Variants in NFRKB observed in about 807,000 individuals in gnomAD.
NFRKB encodes nuclear factor related to kappaB binding protein.
A neutral mutation model predicts 135.7 loss-of-function variants in NFRKB; 62 were observed. The ratio of observed to expected loss-of-function variants is 0.46; its 90% CI spans 0.37 to 0.56. The LOEUF (loss-of-function observed/expected upper bound fraction) is 0.56. Ranked by LOEUF, NFRKB falls within the 20% of genes least tolerant of loss-of-function variation. NFRKB has a pLI of 0.00. For synonymous variants in NFRKB, 678 were observed against 635.6 expected, an observed-to-expected ratio of 1.07 and a Z score of -1.00; for missense variants, 1,545 against 1,662.0, an observed-to-expected ratio of 0.93 and a Z score of 1.22.
intron 3 of NFRKB, among the ~76,000 whole-genome samples, chr11:129,890,524 A>T (rs1401815143): frequency 1.3e-5 from 2 of 152,118 alleles, no homozygotes; most frequent in African/African-American, 4.8e-5. Flanking sequence ...TTTATCCATA[A>T]TGTTTGGCAT....
rs767438504 is a variant in NFRKB, at chr11:129,886,203, T to C, written c.465+114A>G. On this transcript the variant is annotated intron_variant, in intron 5 of 26. Transcript: ENST00000682444. ...ATAGCTTAACTGTGTCACAGATTAA[T>C]TGGTAGCATTTTTTTCTTCGTGGCA... 6.8e-6 allele frequency: 8 copies of C among 1,178,672 alleles called. No individual in the cohort carries two copies. In the Admixed American group the frequency reaches 8.7e-5, roughly 13 times the overall value. 73.0% of individuals were successfully genotyped at this position (1,178,672 alleles called of 1,614,324 possible).
rs532807225 is a variant in NFRKB at position 129,871,845 on chromosome 11, T to C, written c.2763+1039A>G. Among the ~76,000 whole-genome samples, 6 of 152,302 alleles carry C rather than the reference T, an allele frequency of 3.9e-5. No individual in the cohort carries two copies. In the East Asian group the frequency reaches 9.6e-4, roughly 24 times the overall value. ...ACCCTTGCTCACCATCTTCCAGTGGTTCCCCCTCACATTTAAATTAACGTC... is the reference window on the plus strand; with the variant it reads ...ACCCTTGCTCACCATCTTCCAGTGGCTCCCCCTCACATTTAAATTAACGTC... On this transcript the variant is annotated intron_variant, in intron 23 of 26. Transcript: ENST00000682444.
rs1443894190 is a variant in NFRKB, at chr11:129,885,614, G to A, written c.466-5C>T. On this transcript the variant is annotated splice_polypyrimidine_tract_variant and splice_region_variant and intron_variant, in intron 5 of 26. Transcript: ENST00000682444. ...CCGGGCCATCTCCAGCAGATCCTAG[G>A]TAGAGATCAGGTGGGGGTACAAGTC... The A allele has an allele frequency of 1.2e-6, 2 of 1,604,240 alleles. No individual in the cohort carries two copies. The highest frequency in any genetic ancestry group is 1.7e-6 in the Non-Finnish European group (2 of 1,172,932).
intron 13 of NFRKB, among the ~76,000 whole-genome samples, chr11:129,880,306 AAT>A (rs1340219661): frequency 2.0e-5 from 3 of 152,114 alleles, no homozygotes; most frequent in Non-Finnish European, 4.4e-5. Context: ...ACCAGCTGCA[AAT>A]CTAACAGGAG....
chr11:129,893,331 C>G (rs747454101), intron 2 of NFRKB: 9 of 439,604 alleles, frequency 2.0e-5, no homozygotes, highest in African/African-American at 2.0e-4. Context: ...GGCGGGCAGT[C>G]CCCTTGAATC....
Position 129,882,557 on chromosome 11 carries a change from T to C in NFRKB, c.976A>G (p.Ile326Val), listed in dbSNP as rs772199626. The change falls in exon 10 of 27, where the codon ATC (isoleucine) becomes GTC (valine). Residue 326 changes from isoleucine (I) to valine (V), a missense_variant. Around this residue, in one of 3 missense-constraint regions of NFRKB, gnomAD observed 678 missense variants for 646.7 expected, o/e 1.05. Coordinates refer to ENST00000682444, the MANE Select transcript of NFRKB (RefSeq NM_001143835.2). ...GCCAGGTCCTCTGCCTCTGATTTGA[T>C]CGTTTTTATTTTCTTCTTCTTCTTT... ...EEKKKKKIKT[I>V]KSEAEDLAEP... 1.2e-6 allele frequency: 2 copies of C among 1,614,002 alleles called. No homozygotes were observed. Among genetic ancestry groups the C allele is most frequent in the African/African-American group, 2.7e-5 (2 of 74,908 alleles).
In NFRKB at chr11:129,865,944, T is replaced by C; in HGVS notation, c.3571A>G (p.Ile1191Val). 1 of 1,613,424 alleles carries C rather than the reference T, an allele frequency of 6.2e-7. No homozygotes were observed. Among genetic ancestry groups the C allele is most frequent in the Non-Finnish European group, 8.5e-7 (1 of 1,179,860 alleles). Residue 1191 changes from isoleucine (I) to valine (V), a missense_variant, in exon 25 of 27, where the codon ATC becomes GTC. Transcript: ENST00000682444. Reference protein sequence around the residue: ...PTRITVPLSVISQPMKGKSVV... With the variant: ...PTRITVPLSVVSQPMKGKSVV... ...CTCTTGCCCTTCATTGGCTGGCTGA[T>C]CACAGAGAGGGGAACTGTGATCCGT... is the stretch of plus-strand genomic sequence containing the variant.
chr11:129,870,360 A>C (rs766993331), intron 23 of NFRKB, 99 bp from the exon 24 acceptor site: 1 of 1,233,834 alleles, frequency 8.1e-7, no homozygotes, highest in African/African-American at 1.5e-5. Flanking sequence ...GATGTTTTGT[A>C]TTTTTTTTTT....
chr11:129,873,674 C>A, intron 22 of NFRKB, 71 bp downstream of exon 22: 1 of 1,566,122 alleles, frequency 6.4e-7, no homozygotes, highest in Non-Finnish European at 8.7e-7. Context: ...CCAGACACTG[C>A]CCATCTGACT....
At chr11:129,867,338 T>C in intron 24 of NFRKB, among the ~76,000 whole-genome samples, 1 of 151,058 alleles carries the variant, frequency 6.6e-6, no homozygotes, top group African/African-American at 2.4e-5. Context: ...TTTTTTTTTT[T>C]TTTTTGAGAC....
At chr11:129,888,934 G>T (rs1282763252) in intron 3 of NFRKB, 139 bp from the exon 4 acceptor site, 1 of 615,526 alleles carries the variant, frequency 1.6e-6, no homozygotes, top group Non-Finnish European at 2.8e-6. Flanking sequence ...GTGGCCTTAA[G>T]TGCATTCACA....
Position 129,874,641 on chromosome 11 carries a change from C to A in NFRKB, c.1979-61G>T. 6.2e-7 allele frequency: 1 copy of A among 1,605,856 alleles called. No individual in the cohort carries two copies. Among genetic ancestry groups the A allele is most frequent in the Non-Finnish European group, 8.5e-7 (1 of 1,175,734 alleles). ...AACCTTAGCAAACTAAAAAGAGGGGCTTTGTTAAAAACCAACACCTTGCCA... is the reference window on the plus strand; with the variant it reads ...AACCTTAGCAAACTAAAAAGAGGGGATTTGTTAAAAACCAACACCTTGCCA... On this transcript the variant is annotated intron_variant, in intron 19 of 26. Coordinates refer to ENST00000682444, the MANE Select transcript of NFRKB (RefSeq NM_001143835.2). This position sits in a 1 kb window ranked among gnomAD's most constrained non-coding sequence, Gnocchi z 4.5.
intron 2 of NFRKB, 82 bp from the exon 3 acceptor site, chr11:129,892,952 T>A (rs1038066418): frequency 2.6e-5 from 41 of 1,599,628 alleles, no homozygotes; most frequent in Admixed American, 8.4e-5. Context: ...CAGGAAAACA[T>A]TCAACCTCCA....
Position 129,864,337 on chromosome 11 carries a change from A to C in NFRKB, c.*388T>G. On this transcript the variant is annotated 3_prime_UTR_variant, in exon 27 of 27. Transcript: ENST00000682444. ...CTCCTATCCAGACCACTAGTCATGG[A>C]GAAGACCAGAAGCCAAAAAATACAA... The C allele has an allele frequency of 5.5e-6, 1 of 181,578 alleles. No individual in the cohort carries two copies. The highest frequency in any genetic ancestry group is 1.2e-5 in the Non-Finnish European group (1 of 85,902). 11.2% of individuals were successfully genotyped at this position (181,578 alleles called of 1,614,324 possible). A position where few individuals can be genotyped will look rare whatever the true frequency, so the allele number is the denominator to read the frequency against.
rs1054700101 is a variant in NFRKB, at chr11:129,885,587, C to A, written c.488G>T (p.Arg163Leu). 5.0e-6 allele frequency: 8 copies of A among 1,611,428 alleles called. No homozygotes were observed. In the African/African-American group the frequency reaches 9.3e-5, roughly 19 times the overall value. ...SRSDLLEMAR[R>L]SGPALPFRQK... ...CCGGAAGGGAAGGGCGGGGCCACTC[C>A]GCCGGGCCATCTCCAGCAGATCCTA... Residue 163 changes from arginine to leucine, a missense_variant, in exon 6 of 27, where the codon CGG (arginine) becomes CTG (leucine). By Grantham distance (102) the Arg-to-Leu change is moderately radical. Transcript: ENST00000682444.
intron 6 of NFRKB, 96 bp from the exon 7 acceptor site, chr11:129,884,942 C>G: frequency 6.3e-7 from 1 of 1,582,688 alleles, no homozygotes; most frequent in Admixed American, 1.7e-5. Context: ...AAGGCTAAGC[C>G]AACAACATGG....
rs747781457 is a variant in NFRKB at position 129,873,067 on chromosome 11, C to T, written c.2580G>A (p.Ala860=). 1.1e-5 allele frequency: 17 copies of T among 1,611,798 alleles called. No individual in the cohort carries two copies. The highest frequency in any genetic ancestry group is 3.3e-5 in the South Asian group (3 of 90,834). The part of the protein sequence containing the change: ...QTVMATVPVK[A]QTTAATVQRP... ...GCTGCACAGTGGCTGCCGTAGTCTG[C>T]GCTTTGACGGGCACAGTGGCCATTA... The change falls in exon 23 of 27, where the codon GCG becomes GCA. Residue 860 remains alanine (A), a synonymous_variant. Transcript: ENST00000682444.
intron 24 of NFRKB, among the ~76,000 whole-genome samples, 167 bp from the exon 25 acceptor site, chr11:129,866,150 C>T (rs1045385264): frequency 2.6e-5 from 4 of 152,192 alleles, no homozygotes; most frequent in African/African-American, 9.7e-5. Flanking sequence ...AAAACCCTAA[C>T]GAACTACTTA....
intron 6 of NFRKB, 104 bp from the exon 7 acceptor site, chr11:129,884,950 T>C: frequency 3.9e-6 from 6 of 1,557,642 alleles, no homozygotes; most frequent in Non-Finnish European, 5.3e-6. Context: ...GCCAACAACA[T>C]GGAGGCCAGG....
Sources: gnomAD v4.1 joint callset for allele counts (sites outside exome capture counted in the v4.1 genomes callset) on GRCh38, gnomAD v4.1.1 for gene constraint, gnomAD v4.1.1 regional missense constraint, Gnocchi (gnomAD v3.1) non-coding constraint, MANE v1.5 for transcripts, NCBI Gene and HGNC (gene_info 2026-07-23, HGNC 2026-07-21) for gene names.